The following CHMP4A variants were observed in gnomAD, a reference collection of about 807,000 sequenced individuals.
CHMP4A encodes charged multivesicular body protein 4A.
Under a neutral mutation model 28.2 loss-of-function variants are expected in CHMP4A, and 29 were observed. That is an observed-to-expected ratio of 1.03 (90% confidence interval 0.77 to 1.40). CHMP4A has a LOEUF of 1.40. Ranked by LOEUF, CHMP4A falls within the 40% of genes most tolerant of loss-of-function variation. CHMP4A has a pLI of 0.00. For missense variants in CHMP4A, 241 were observed against 263.5 expected, an observed-to-expected ratio of 0.91 and a Z score of 0.59; for synonymous variants, 88 against 99.3, an observed-to-expected ratio of 0.89 and a Z score of 0.67.
Position 24,211,498 on chromosome 14 carries a change from G to A in CHMP4A, c.276C>T (p.Ala92=). The change falls in exon 3 of 6, where the codon GCC becomes GCT. Residue 92 remains alanine (A), a synonymous_variant. Transcript: ENST00000347519. ...TLSTLEFQRE[A]IENATTNAEV... Reference sequence around the variant, plus strand: ...CTGCATTGGTAGTGGCATTCTCAATGGCCTCACGCTGAAACTCCAGGGTGG... The same window carrying A: ...CTGCATTGGTAGTGGCATTCTCAATAGCCTCACGCTGAAACTCCAGGGTGG... The A allele has an allele frequency of 1.2e-6, 2 of 1,614,088 alleles. No individual in the cohort carries two copies. The highest frequency in any genetic ancestry group is 2.7e-5 in the African/African-American group (2 of 75,008).
chr14:24,211,504 A>G lies in CHMP4A; in HGVS notation c.270T>C (p.Arg90=), dbSNP rs1171604953. The stretch of plus-strand genomic sequence containing the variant: ...TGGTAGTGGCATTCTCAATGGCCTC[A>G]CGCTGAAACTCCAGGGTGGATAATG... The part of the protein sequence containing the change: ...DGTLSTLEFQ[R]EAIENATTNA... The change falls in exon 3 of 6, where the codon CGT becomes CGC. Residue 90 remains arginine, a synonymous_variant. Coordinates refer to ENST00000347519, the MANE Select transcript of CHMP4A (RefSeq NM_014169.5). The G allele has an allele frequency of 3.7e-6, 6 of 1,614,114 alleles. No homozygotes were observed. The highest frequency in any genetic ancestry group is 4.2e-6 in the Non-Finnish European group (5 of 1,180,012).
At chr14:24,210,818 C>T in intron 3 of CHMP4A, 50 bp from the exon 4 acceptor site, 1 of 1,351,380 alleles carries the variant, frequency 7.4e-7, no homozygotes, top group Non-Finnish European at 1.1e-6. Flanking sequence ...GCCCCCTTGA[C>T]TTTCTCATCT....
At chr14:24,212,699 G>C in intron 1 of CHMP4A, 3 of 200,170 alleles carry the variant, frequency 1.5e-5, no homozygotes, top group Non-Finnish European at 3.1e-5. Context: ...GGGACTACAG[G>C]CGCGTGCCAC....
Position 24,213,464 on chromosome 14 carries a change from G to A in CHMP4A, c.-25C>T, listed in dbSNP as rs772562479. ...TCGCGAGCTCGCCTCTCCCGCCTCC[G>A]CCCCTCAGCGTCCTCCAGACTTCCG... On this transcript the variant is annotated 5_prime_UTR_variant, in exon 1 of 6. Transcript: ENST00000347519. The A allele has an allele frequency of 1.9e-6, 3 of 1,611,942 alleles. No homozygotes were observed. The highest frequency in any genetic ancestry group is 2.2e-5 in the South Asian group (2 of 90,742).
At chr14:24,211,061 G>A (rs2039587047) in intron 3 of CHMP4A, among the ~76,000 whole-genome samples, 1 of 152,212 alleles carries the variant, frequency 6.6e-6, no homozygotes, top group African/African-American at 2.4e-5. Flanking sequence ...GTGCACACCT[G>A]TAATCCCAGC....
At chr14:24,213,335 C>T in intron 1 of CHMP4A, 74 bp downstream of exon 1, 1 of 1,444,422 alleles carries the variant, frequency 6.9e-7, no homozygotes, top group East Asian at 2.6e-5. Flanking sequence ...GCGGTCCGGC[C>T]GAATCTCGCC....
In CHMP4A at chr14:24,210,453, C is replaced by T. The variant is rs753138859; in HGVS notation, c.505G>A (p.Glu169Lys). Residue 169 changes from glutamate to lysine, a missense_variant, in exon 5 of 6, where the codon GAG (glutamate) becomes AAG (lysine). Glu to Lys is a moderately conservative substitution (Grantham distance 56). Coordinates refer to ENST00000347519, the MANE Select transcript of CHMP4A (RefSeq NM_014169.5). ...DELLEELEEL[E>K]QEELAQELLN... ...AACTCCTGGGCCAATTCCTCCTGCT[C>T]CAGCTCCTCTAGCTCCTCCAGCAGT... is the stretch of plus-strand genomic sequence containing the variant. The T allele has an allele frequency of 1.2e-6, 2 of 1,614,104 alleles. No homozygotes were observed. The highest frequency in any genetic ancestry group is 1.7e-6 in the Non-Finnish European group (2 of 1,180,014).
At chr14:24,213,335 C>G (rs2039614992) in intron 1 of CHMP4A, 74 bp downstream of exon 1, 5 of 1,444,422 alleles carry the variant, frequency 3.5e-6, no homozygotes, top group East Asian at 2.6e-5. Context: ...GCGGTCCGGC[C>G]GAATCTCGCC....
intron 4 of CHMP4A, 51 bp downstream of exon 4, chr14:24,210,603 G>A: frequency 6.3e-7 from 1 of 1,590,808 alleles, no homozygotes; most frequent in East Asian, 2.2e-5. Flanking sequence ...TGTTCCTTCT[G>A]GCCAGTCCCA....
intron 5 of CHMP4A, 131 bp downstream of exon 5, chr14:24,210,217 A>G (rs540321477): frequency 7.8e-7 from 1 of 1,288,878 alleles, no homozygotes; most frequent in East Asian, 2.3e-5. Flanking sequence ...ATATGCAGTC[A>G]ACAACCTGCA....
At chr14:24,210,305 C>T in intron 5 of CHMP4A, 43 bp downstream of exon 5, 1 of 1,600,012 alleles carries the variant, frequency 6.2e-7, no homozygotes, top group Non-Finnish European at 8.5e-7. Flanking sequence ...CATATCTCTC[C>T]CACCCTCTTA....
rs1404788543 is a variant in CHMP4A, at chr14:24,213,414, C to A, written c.26G>T (p.Gly9Val). 1 of 1,603,524 alleles carries A rather than the reference C, an allele frequency of 6.2e-7. No homozygotes were observed. Among genetic ancestry groups the A allele is most frequent in the African/African-American group, 1.3e-5 (1 of 74,572 alleles). The stretch of plus-strand genomic sequence containing the variant: ...CCAGTCCCACCCTGGCTCACCCTTC[C>A]CGAAGAGCCTGCCGAGACCACTCAT... MSGLGRLF[G>V]KGKKEKGPTP... The change falls in exon 1 of 6, where the codon GGG becomes GTG. Residue 9 changes from glycine (G) to valine (V), a missense_variant. By Grantham distance (109) the Gly-to-Val change is moderately radical. Coordinates refer to ENST00000347519, the MANE Select transcript of CHMP4A (RefSeq NM_014169.5).
At position 24,210,358 on chromosome 14, in the gene CHMP4A, C is replaced by A. The variant is rs778096168; in HGVS notation, c.600G>T (p.Pro200=). The A allele has an allele frequency of 1.2e-6, 2 of 1,613,774 alleles. No individual in the cohort carries two copies. Among genetic ancestry groups the A allele is most frequent in the Admixed American group, 1.7e-5 (1 of 59,942 alleles). ...AACAACCCTGCATACCTGGCCCTGC[C>A]GGCAGATGAGTAGAAGGTACACTAG... ...KLPSVPSTHL[P]AGPAPKVDED... The change falls in exon 5 of 6, where the codon CCG becomes CCT. Residue 200 remains proline (P), a synonymous_variant. Transcript: ENST00000347519.
chr14:24,212,299 T>C (rs912660682), intron 1 of CHMP4A, among the ~76,000 whole-genome samples: 1 of 152,088 alleles, frequency 6.6e-6, no homozygotes, highest in African/African-American at 2.4e-5. Context: ...TTCTCCATGT[T>C]GGTCAGGCTG....
rs757811080 is a variant in CHMP4A at position 24,211,827 on chromosome 14, T to G, written c.34A>C (p.Lys12Gln). Residue 12 changes from lysine to glutamine, a missense_variant and splice_region_variant, in exon 2 of 6, where the codon AAG (lysine) becomes CAG (glutamine). Coordinates refer to ENST00000347519, the MANE Select transcript of CHMP4A (RefSeq NM_014169.5). ...SGLGRLFGKGKKEKGPTPEEA... is the reference protein window; with the variant it reads ...SGLGRLFGKGQKEKGPTPEEA... Reference sequence around the variant, plus strand: ...TCAGGGGTTGGCCCTTTCTCCTTCTTCCCTGAGGAGTCCAGTGGAGTAGGC... The same window carrying G: ...TCAGGGGTTGGCCCTTTCTCCTTCTGCCCTGAGGAGTCCAGTGGAGTAGGC... The G allele has an allele frequency of 1.2e-5, 19 of 1,610,694 alleles. No individual in the cohort carries two copies. Among genetic ancestry groups the G allele is most frequent in the Non-Finnish European group, 1.6e-5 (19 of 1,178,916 alleles).
chr14:24,212,309 G>A (rs975583399), intron 1 of CHMP4A, among the ~76,000 whole-genome samples: 4 of 152,048 alleles, frequency 2.6e-5, no homozygotes, highest in African/African-American at 9.7e-5. Context: ...TGGTCAGGCT[G>A]GTGTCGAACT....
chr14:24,211,634 C>T (rs1389103559), intron 2 of CHMP4A, 42 bp from the exon 3 acceptor site: 2 of 1,610,710 alleles, frequency 1.2e-6, no homozygotes, highest in Non-Finnish European at 1.7e-6. Flanking sequence ...TCAGAAGCAC[C>T]TGCTTCCCAT....
At chr14:24,210,532 C>T (rs773963236) in intron 4 of CHMP4A, 49 bp from the exon 5 acceptor site, 1 of 1,601,882 alleles carries the variant, frequency 6.2e-7, no homozygotes, top group Admixed American at 1.8e-5. Flanking sequence ...AAACTTCTAC[C>T]TCCAAAAACA....
intron 1 of CHMP4A, chr14:24,212,077 T>G (rs2039596428): frequency 2.7e-6 from 1 of 376,804 alleles, no homozygotes; most frequent in Admixed American, 4.2e-5. Flanking sequence ...AATATTCTTT[T>G]TACTATTCCT....
Sources: gnomAD v4.1 joint callset for allele counts (sites outside exome capture counted in the v4.1 genomes callset) on GRCh38, gnomAD v4.1.1 for gene constraint, MANE v1.5 for transcripts, NCBI Gene and HGNC (gene_info 2026-07-23, HGNC 2026-07-21) for gene names.